Variants in RGS6 observed in about 807,000 individuals in gnomAD.
RGS6 encodes the protein regulator of G protein signaling 6.
Under a neutral mutation model 78.5 loss-of-function variants are expected in RGS6, and 30 were observed. That is an observed-to-expected ratio of 0.38 (90% CI 0.29 to 0.52). The LOEUF (loss-of-function observed/expected upper bound fraction) is 0.52, where lower values mean the gene tolerates loss of function less well. RGS6 is among the 20% of genes least tolerant of loss of function. The probability of loss-of-function intolerance (pLI) is 0.85; values close to 1 mark genes in which losing one functional copy is unlikely to be tolerated. For synonymous variants in RGS6, 206 were observed against 206.0 expected, an observed-to-expected ratio of 1.00 and a Z score of 0.00; for missense variants, 495 against 609.7, an observed-to-expected ratio of 0.81 and a Z score of 1.98.
chr14:72,219,137 A>G (rs1212833142), intron 2 of RGS6, among the ~76,000 whole-genome samples: 1 of 151,958 alleles, frequency 6.6e-6, no homozygotes, highest in African/African-American at 2.4e-5. Flanking sequence ...CACCAAAAGG[A>G]TACTAATTTA....
rs140072073 is a variant in RGS6 at position 72,044,226 on chromosome 14, T to C, written c.84+79351T>C. Among the ~76,000 whole-genome samples, 781 of 152,338 alleles carry C rather than the reference T, an allele frequency of 5.1e-3. 5 individuals carry two copies. The highest frequency in any genetic ancestry group is 0.016 in the African/African-American group (681 of 41,592). On this transcript the variant is annotated intron_variant, in intron 2 of 17. Transcript: ENST00000553525. ...GCATATTGTCTGCTTTTCCCATCAG[T>C]GTTCTTAACATACTGTGATAGTTAA...
chr14:72,059,339 CAATTTGGAAGGGTTT>C (rs1410288275), intron 2 of RGS6, among the ~76,000 whole-genome samples: 1 of 152,136 alleles, frequency 6.6e-6, no homozygotes, highest in Non-Finnish European at 1.5e-5. Flanking sequence ...TCTCCTAATG[CAATTTGGAAGGGTTT>C]AATATGGAAC....
At position 72,324,008 on chromosome 14, in the gene RGS6, C is replaced by G. The variant is rs72724013; in HGVS notation, c.85-28087C>G. Among the ~76,000 whole-genome samples, 1,226 of 151,936 alleles carry G rather than the reference C, an allele frequency of 8.1e-3. 13 individuals carry two copies. The highest frequency in any genetic ancestry group is 0.021 in the Middle Eastern group (6 of 292). ...ATTAGGGTAAATAGAGTATCCATCA[C>G]TTCAAGCACTCATTACCTCTTTGTG... is the stretch of plus-strand genomic sequence containing the variant. On this transcript the variant is annotated intron_variant, in intron 2 of 17. Transcript: ENST00000553525.
chr14:72,455,789 T>A (rs1002278268), intron 4 of RGS6, among the ~76,000 whole-genome samples: 1 of 152,238 alleles, frequency 6.6e-6, no homozygotes, highest in African/African-American at 2.4e-5. Context: ...TTGGAAAGCC[T>A]GGACTGAATC....
chr14:72,168,517 A>T (rs891534220), intron 2 of RGS6, among the ~76,000 whole-genome samples: 6 of 152,364 alleles, frequency 3.9e-5, no homozygotes, highest in Non-Finnish European at 8.8e-5. Context: ...CGAAGACTTA[A>T]TACAAAAAAT....
At chr14:72,032,754 G>T (rs1458537245) in intron 2 of RGS6, among the ~76,000 whole-genome samples, 1 of 151,912 alleles carries the variant, frequency 6.6e-6, no homozygotes, top group African/African-American at 2.4e-5. Context: ...TGTTCTCAAG[G>T]TTCATCTATA....
At chr14:72,086,688 A>G (rs1299655073) in intron 2 of RGS6, among the ~76,000 whole-genome samples, 1 of 152,172 alleles carries the variant, frequency 6.6e-6, no homozygotes, top group Non-Finnish European at 1.5e-5. Flanking sequence ...GCCTCCAATA[A>G]TCTACATCCA....
chr14:71,969,088 T>C (rs1216897075), intron 2 of RGS6, among the ~76,000 whole-genome samples: 2 of 152,192 alleles, frequency 1.3e-5, no homozygotes, highest in Non-Finnish European at 2.9e-5. Flanking sequence ...GGTTTTTTGT[T>C]CTTGCAATAG....
At chr14:72,469,176 C>T (rs1029192257) in intron 7 of RGS6, among the ~76,000 whole-genome samples, 9 of 150,564 alleles carry the variant, frequency 6.0e-5, no homozygotes, top group Non-Finnish European at 8.8e-5. Context: ...CTTTCATGAA[C>T]ATCACAAACG....
chr14:72,196,415 A>G (rs1567440953), intron 2 of RGS6, among the ~76,000 whole-genome samples: 1 of 152,196 alleles, frequency 6.6e-6, no homozygotes, highest in Admixed American at 6.5e-5. Context: ...TCTGTCCCCC[A>G]TCGGGTGGGA....
At chr14:72,569,111 G>GGTGTGTGTGTGT (rs35508602), downstream of RGS6, among the ~76,000 whole-genome samples, 2 of 137,508 alleles carry the variant, frequency 1.5e-5, no homozygotes, top group African/African-American at 5.0e-5. Flanking sequence ...GATTCTCTGG[G>GGTGTGTGTGTGT]GTGTGTGTGT....
intron 2 of RGS6, among the ~76,000 whole-genome samples, chr14:71,972,636 C>T (rs551713846): frequency 1.5e-4 from 23 of 151,712 alleles, no homozygotes; most frequent in African/African-American, 3.6e-4. Flanking sequence ...AATGGGTGAT[C>T]GATGTGGAAG....
At chr14:72,449,920 G>T (rs147727436) in intron 3 of RGS6, among the ~76,000 whole-genome samples, 2 of 152,168 alleles carry the variant, frequency 1.3e-5, no homozygotes, top group Non-Finnish European at 2.9e-5. Flanking sequence ...GCCAGAGGCC[G>T]TCCAAAGTTA....
chr14:72,463,661 G>C (rs1041613534), intron 6 of RGS6, among the ~76,000 whole-genome samples: 1 of 152,216 alleles, frequency 6.6e-6, no homozygotes, highest in Admixed American at 6.5e-5. Context: ...CATTTGGCCA[G>C]TGCAAAATCC....
chr14:72,545,815 G>A (rs2097389670), intron 17 of RGS6, among the ~76,000 whole-genome samples: 1 of 151,986 alleles, frequency 6.6e-6, no homozygotes, highest in Non-Finnish European at 1.5e-5. Flanking sequence ...AGTCGCCGGA[G>A]GGTCAGGGAG....
At chr14:72,491,164 A>G (rs2096572778) in intron 12 of RGS6, among the ~76,000 whole-genome samples, 1 of 152,246 alleles carries the variant, frequency 6.6e-6, no homozygotes. Flanking sequence ...ATGCTGACAC[A>G]CAAGCTGGCA....
the RGS6 span, among the ~76,000 whole-genome samples, chr14:72,616,501 T>G: frequency 6.6e-6 from 1 of 152,178 alleles, no homozygotes; most frequent in Admixed American, 6.5e-5. Context: ...CATTGGCTAA[T>G]GCACACAAGA....
rs28528771 is a variant in RGS6, at chr14:72,226,922, A to G, written c.85-125173A>G. 7.9e-3 allele frequency among the ~76,000 whole-genome samples: 1,209 copies of G among 152,336 alleles called. 14 individuals carry two copies. Among genetic ancestry groups the G allele is most frequent in the African/African-American group, 0.028 (1,144 of 41,568 alleles). ...GGCTGGTCTTGAACTCCTGGTGTCA[A>G]GTAATCCGCCCACCTTGACCTCCCA... On this transcript the variant is annotated intron_variant, in intron 2 of 17. Transcript: ENST00000553525.
chr14:72,410,122 C>T (rs1191803868), intron 3 of RGS6, among the ~76,000 whole-genome samples: 1 of 152,236 alleles, frequency 6.6e-6, no homozygotes, highest in Non-Finnish European at 1.5e-5. Context: ...AGTTCTACAT[C>T]CCTGAGGAAT....
Sources: allele counts gnomAD v4.1 joint callset (sites outside exome capture counted in the v4.1 genomes callset), GRCh38; gene constraint gnomAD v4.1.1; transcripts MANE v1.5; gene names NCBI Gene and HGNC (gene_info 2026-07-23, HGNC 2026-07-21).